The following ATRN variants were observed in gnomAD, a reference collection of about 807,000 sequenced individuals.
ATRN encodes the protein attractin.
Under a neutral mutation model 178.7 loss-of-function variants are expected in ATRN, and 54 were observed. The ratio of observed to expected loss-of-function variants is 0.30; its 90% CI spans 0.24 to 0.38. ATRN has a LOEUF of 0.38. ATRN is among the 10% of genes least tolerant of loss of function. The pLI is 1.00. For missense variants in ATRN, 1,443 were observed against 1,815.1 expected, an observed-to-expected ratio of 0.79 and a Z score of 3.73; for synonymous variants, 636 against 663.0, an observed-to-expected ratio of 0.96 and a Z score of 0.63.
At chr20:3,631,754 C>T (rs1022345590) in intron 25 of ATRN, among the ~76,000 whole-genome samples, 2 of 152,218 alleles carry the variant, frequency 1.3e-5, no homozygotes, top group East Asian at 1.9e-4. Flanking sequence ...TCAGCAGCAG[C>T]GGCAGGCTCT....
At chr20:3,584,584 A>G in intron 17 of ATRN, 63 bp from the exon 18 acceptor site, 1 of 1,214,870 alleles carries the variant, frequency 8.2e-7, no homozygotes, top group Admixed American at 2.4e-5. Context: ...GTTAAAAAAA[A>G]AGTAAATACA....
chr20:3,576,336 A>C (rs2086208326), intron 13 of ATRN, among the ~76,000 whole-genome samples: 1 of 152,228 alleles, frequency 6.6e-6, no homozygotes, highest in African/African-American at 2.4e-5. Flanking sequence ...AGACTTTGCA[A>C]AATCTCCTTG....
intron 24 of ATRN, among the ~76,000 whole-genome samples, chr20:3,611,699 G>A (rs1166900395): frequency 2.0e-5 from 3 of 152,216 alleles, no homozygotes; most frequent in Admixed American, 6.5e-5. Context: ...CTGAGATTGT[G>A]CTACTGCACT....
rs184964718 is a variant in ATRN at position 3,488,636 on chromosome 20, A to G, written c.410+17119A>G. Among the ~76,000 whole-genome samples, 21 of 152,312 alleles carry G rather than the reference A, an allele frequency of 1.4e-4. No individual in the cohort carries two copies. The East Asian group carries it at 3.5e-3, about 25-fold the overall frequency. Reference sequence around the variant, plus strand: ...GCACTATCTTAATTAGTATGGATTTATGTTAAGTCACCTTACCTTATTCTT... The same window carrying G: ...GCACTATCTTAATTAGTATGGATTTGTGTTAAGTCACCTTACCTTATTCTT... On this transcript the variant is annotated intron_variant, in intron 1 of 28. Transcript: ENST00000262919.
intron 24 of ATRN, among the ~76,000 whole-genome samples, chr20:3,622,667 CT>C (rs1427795924): frequency 6.6e-6 from 1 of 152,244 alleles, no homozygotes. Context: ...GTGGTCAGTG[CT>C]TTCATAAACA....
Position 3,563,323 on chromosome 20 carries a change from C to T in ATRN, c.1746C>T (p.Gly582=), listed in dbSNP as rs372156831. ...ACAATGACACATCTATGAGCCATGG[C>T]GCCAAATGCTTCTCTTCAGATTTCA... ...NTHNDTSMSH[G]AKCFSSDFMA... Residue 582 remains glycine, a synonymous_variant, in exon 10 of 29, where the codon GGC becomes GGT. Coordinates refer to ENST00000262919, the MANE Select transcript of ATRN (RefSeq NM_139321.3). 15 of 1,613,872 alleles carry T rather than the reference C, an allele frequency of 9.3e-6. No homozygotes were observed. Among genetic ancestry groups the T allele is most frequent in the African/African-American group, 8.0e-5 (6 of 74,890 alleles).
chr20:3,584,045 G>C lies in ATRN; in HGVS notation c.2912G>C (p.Gly971Ala). The C allele has an allele frequency of 6.2e-7, 1 of 1,614,096 alleles. No individual in the cohort carries two copies. Among genetic ancestry groups the C allele is most frequent in the Non-Finnish European group, 8.5e-7 (1 of 1,180,006 alleles). Residue 971 changes from glycine to alanine, a missense_variant, in exon 17 of 29, where the codon GGC becomes GCC. By Grantham distance (60) the Gly-to-Ala change is moderately conservative (BLOSUM62 0). This residue lies in a region of ATRN where 212 missense variants were observed against 330.7 expected (regional missense o/e 0.64). Coordinates refer to ENST00000262919, the MANE Select transcript of ATRN (RefSeq NM_139321.3). ...SNAYVASFPF[G>A]QCMEWYTMST... ...GCCTACGTGGCCTCCTTCCCTTTTG[G>C]CCAGTGTATGGAATGGTATACGATG...
chr20:3,531,128 A>G (rs1356701322), intron 1 of ATRN, among the ~76,000 whole-genome samples: 2 of 152,154 alleles, frequency 1.3e-5, no homozygotes, highest in Non-Finnish European at 2.9e-5. Context: ...TTTTAGGTTG[A>G]TATTCCTGGC....
At chr20:3,580,693 C>G (rs1216521390) in intron 15 of ATRN, among the ~76,000 whole-genome samples, 3 of 152,084 alleles carry the variant, frequency 2.0e-5, no homozygotes, top group African/African-American at 4.8e-5. Flanking sequence ...GGGAGTGGCT[C>G]TTTGAGTGAG....
intron 12 of ATRN, 28 bp from the exon 13 acceptor site, chr20:3,575,799 A>G (rs200042859): frequency 6.3e-7 from 1 of 1,582,316 alleles, no homozygotes; most frequent in Admixed American, 1.8e-5. Context: ...AAGTTGTCCC[A>G]GTTCATGAGA....
In ATRN at chr20:3,518,959, C is replaced by A. The variant is rs238708; in HGVS notation, c.411-16294C>A. Among the ~76,000 whole-genome samples, 390 of 144,300 alleles carry A rather than the reference C, an allele frequency of 2.7e-3. 2 individuals carry two copies. The highest frequency in any genetic ancestry group is 0.017 in the East Asian group (89 of 5,098). 94.7% of individuals were successfully genotyped at this position (144,300 alleles called of 152,430 possible). On this transcript the variant is annotated intron_variant, in intron 1 of 28. Transcript: ENST00000262919. ...CTGTTGATGAAGCTTGAGGTTATTT[C>A]TAACTTTCCAACTGATAAATAGTGC...
At chr20:3,604,713 A>C (rs114200409) in intron 24 of ATRN, among the ~76,000 whole-genome samples, 1 of 152,220 alleles carries the variant, frequency 6.6e-6, no homozygotes, top group Non-Finnish European at 1.5e-5. Flanking sequence ...TGGGGAGACT[A>C]TGTTGAAGAA....
intron 14 of ATRN, 132 bp from the exon 15 acceptor site, chr20:3,578,450 C>T (rs1195419557): frequency 1.3e-6 from 1 of 750,874 alleles, no homozygotes; most frequent in Non-Finnish European, 2.1e-6. Flanking sequence ...GTCAGAGGCT[C>T]CCACATCCTA....
At chr20:3,571,035 T>C (rs992623178) in intron 11 of ATRN, among the ~76,000 whole-genome samples, 2 of 152,232 alleles carry the variant, frequency 1.3e-5, no homozygotes, top group African/African-American at 4.8e-5. Flanking sequence ...CTGCGTTCCA[T>C]TTTTTCCCCC....
At chr20:3,593,398 A>G (rs1319326713) in intron 19 of ATRN, among the ~76,000 whole-genome samples, 1 of 152,216 alleles carries the variant, frequency 6.6e-6, no homozygotes, top group Admixed American at 6.5e-5. Context: ...TGTGTTTGAG[A>G]CATCATATAC....
chr20:3,495,088 A>G (rs1261554741), intron 1 of ATRN, among the ~76,000 whole-genome samples: 1 of 152,174 alleles, frequency 6.6e-6, no homozygotes, highest in Non-Finnish European at 1.5e-5. Context: ...AATTAGGACA[A>G]ATGCTTAATA....
At chr20:3,584,184 A>G in intron 17 of ATRN, 101 bp downstream of exon 17, 1 of 1,281,530 alleles carries the variant, frequency 7.8e-7, no homozygotes, top group Non-Finnish European at 1.1e-6. Context: ...TTTTAGAAAC[A>G]AGACTGGACA....
chr20:3,550,721 G>T (rs145996991), intron 6 of ATRN, among the ~76,000 whole-genome samples: 74 of 152,250 alleles, frequency 4.9e-4, no homozygotes, highest in African/African-American at 1.6e-3. Context: ...CCTAGGAGTG[G>T]CACAGGTGGC....
chr20:3,598,333 A>T (rs999690216), intron 22 of ATRN, among the ~76,000 whole-genome samples: 1 of 152,198 alleles, frequency 6.6e-6, no homozygotes, highest in African/African-American at 2.4e-5. Context: ...TACTCTCTCA[A>T]GAGTGACCAG....
Sources: allele counts gnomAD v4.1 joint callset (sites outside exome capture counted in the v4.1 genomes callset), GRCh38; gene constraint gnomAD v4.1.1; regional missense constraint gnomAD v4.1.1; transcripts MANE v1.5; gene names NCBI Gene and HGNC (gene_info 2026-07-23, HGNC 2026-07-21).